CPLX2: variants seen among roughly 807,000 people sequenced by gnomAD.
CPLX2 encodes complexin-2.
Under a neutral mutation model 16.3 loss-of-function variants are expected in CPLX2, and 5 were observed. The ratio of observed to expected loss-of-function variants is 0.31; its 90% confidence interval spans 0.16 to 0.64. The LOEUF is 0.64. Ranked by LOEUF, CPLX2 falls within the 30% of genes least tolerant of loss-of-function variation. The pLI, the probability that CPLX2 is intolerant of heterozygous loss-of-function variation, is 0.79. For synonymous variants in CPLX2, 89 were observed against 73.2 expected (o/e 1.22, Z -1.10); for missense variants, 144 against 181.4 (o/e 0.79, Z 1.18).
chr5:175,806,806 G>A (rs1004358691), intron 1 of CPLX2, among the ~76,000 whole-genome samples: 2 of 152,066 alleles, frequency 1.3e-5, no homozygotes, highest in Non-Finnish European at 2.9e-5. Flanking sequence ...CCTCAGCTAT[G>A]AAGTTTTTAT....
At chr5:175,840,161 T>C (rs561608872) in intron 2 of CPLX2, among the ~76,000 whole-genome samples, 1 of 152,348 alleles carries the variant, frequency 6.6e-6, no homozygotes, top group African/African-American at 2.4e-5. Context: ...CCATTCTTTT[T>C]TAAAGGAAAG....
upstream of CPLX2, chr5:175,871,458 A>AGGGAGAGAGAGAGAGAGAGGGG (rs1554122146): frequency 1.3e-5 from 1 of 79,964 alleles, no homozygotes; most frequent in Non-Finnish European, 2.8e-5. Flanking sequence ...AGAGAGAGAG[A>AGGGAGAGAGAGAGAGAGAGGGG]GAGAGAGAGA....
intron 2 of CPLX2, among the ~76,000 whole-genome samples, chr5:175,836,358 T>TA (rs1554119751): frequency 1.3e-5 from 2 of 150,752 alleles, no homozygotes; most frequent in East Asian, 2.0e-4. Flanking sequence ...TCAAAATAAA[T>TA]AAATAAAATA....
At chr5:175,856,440 G>C (rs1271005883) in intron 2 of CPLX2, among the ~76,000 whole-genome samples, 3 of 152,196 alleles carry the variant, frequency 2.0e-5, no homozygotes, top group Admixed American at 1.3e-4. Context: ...GAATGGCCAA[G>C]CTGGAGCCCA....
chr5:175,830,999 T>G lies in CPLX2; in HGVS notation c.-89+21931T>G, dbSNP rs1157040342. ...CATGGCTGGGGGTGCGCGTGTGTGC[T>G]CATGGCAGCTGAGTGTCTCCATATC... is the stretch of plus-strand genomic sequence containing the variant. On this transcript the variant is annotated intron_variant, in intron 2 of 4. Transcript: ENST00000359546. The surrounding 1 kb of genome is among the most constrained non-coding windows in gnomAD (Gnocchi z 4.0). 6.6e-6 allele frequency among the ~76,000 whole-genome samples: 1 copy of G among 152,192 alleles called. No homozygotes were observed. The highest frequency in any genetic ancestry group is 1.9e-4 in the East Asian group (1 of 5,192).
At chr5:175,840,803 CCT>C (rs775929004) in intron 2 of CPLX2, among the ~76,000 whole-genome samples, 163 of 152,326 alleles carry the variant, frequency 1.1e-3, no homozygotes, top group Non-Finnish European at 1.8e-4. Flanking sequence ...GGAAACATCC[CCT>C]GTTTGCACAC....
chr5:175,816,270 C>T (rs187792041), intron 2 of CPLX2, among the ~76,000 whole-genome samples: 1,528 of 152,152 alleles, frequency 0.01, 22 homozygotes, highest in African/African-American at 0.035. Context: ...TGGGTTCAAG[C>T]GATTCTCCTG....
chr5:175,866,885 C>T (rs1759488510), upstream of CPLX2, among the ~76,000 whole-genome samples: 1 of 152,030 alleles, frequency 6.6e-6, no homozygotes, highest in African/African-American at 2.4e-5. Flanking sequence ...CTAGCCTGGG[C>T]AACATAGTGA....
At position 175,874,304 on chromosome 5, in the gene CPLX2, G is replaced by A. The variant is rs371434443; in HGVS notation, c.-89+2599G>A. Among the ~76,000 whole-genome samples the A allele has an allele frequency of 1.2e-4, 19 of 152,262 alleles. 1 individual carries two copies. The highest frequency in any genetic ancestry group is 4.1e-4 in the South Asian group (2 of 4,830). On this transcript the variant is annotated intron_variant, in intron 1 of 3. Coordinates refer to ENST00000393745, the MANE Select transcript of CPLX2 (RefSeq NM_001008220.2). ...GTAGGCAGCATTGCAAAGCTACAGC[G>A]TCTGGACTTCTCCCTGGAATTCTCC...
chr5:175,839,985 T>A (rs527624887), intron 2 of CPLX2, among the ~76,000 whole-genome samples: 306 of 152,374 alleles, frequency 2.0e-3, no homozygotes, highest in Non-Finnish European at 2.9e-3. Context: ...TATCACCCTG[T>A]ACATAAGAGA....
At chr5:175,863,080 G>T (rs1759402564) in intron 2 of CPLX2, among the ~76,000 whole-genome samples, 1 of 152,228 alleles carries the variant, frequency 6.6e-6, no homozygotes, top group African/African-American at 2.4e-5. Flanking sequence ...GGCTGGTGGT[G>T]AGAACAGGGC....
At chr5:175,875,714 T>C (rs941609371) in intron 1 of CPLX2, among the ~76,000 whole-genome samples, 5 of 151,744 alleles carry the variant, frequency 3.3e-5, no homozygotes, top group Admixed American at 3.3e-4. Context: ...ATTTTGGGCC[T>C]TAAGAAAAGG....
chr5:175,816,199 C>T (rs1019863863), intron 2 of CPLX2, among the ~76,000 whole-genome samples: 1 of 151,716 alleles, frequency 6.6e-6, no homozygotes, highest in Non-Finnish European at 1.5e-5. Context: ...GACAGAGTCT[C>T]ACTCTGTCGC....
chr5:175,824,370 G>A (rs1404406820), intron 2 of CPLX2, among the ~76,000 whole-genome samples: 5 of 152,184 alleles, frequency 3.3e-5, no homozygotes, highest in Admixed American at 1.3e-4. Flanking sequence ...TAGGCAGGCC[G>A]GCCTTGCTGC....
rs144289221 is a variant in CPLX2 at position 175,856,484 on chromosome 5, C to T, written c.-88-22168C>T. 2.0e-3 allele frequency among the ~76,000 whole-genome samples: 306 copies of T among 152,250 alleles called. 2 individuals are homozygous for T. The highest frequency in any genetic ancestry group is 0.017 in the East Asian group (87 of 5,162). On this transcript the variant is annotated intron_variant, in intron 2 of 4. Coordinates refer to the CPLX2 transcript ENST00000359546. The stretch of plus-strand genomic sequence containing the variant: ...CTTTCAAATGCAACATCTGAGCTCC[C>T]GCCACGCTCCGCGCAGAGCCAAGCC...
rs1561796143 is a variant in CPLX2, at chr5:175,883,319, CAGA to C, written c.*3277_*3279del. On this transcript the variant is annotated 3_prime_UTR_variant, in exon 4 of 4. Transcript: ENST00000393745. ...CCTCCCCTCCAAATCCAGAAGCTCC[CAGA>C]AGGTGTCCTTAACTGCAAAGCTGTG... 3 of 152,336 alleles carry C rather than the reference CAGA, an allele frequency of 2.0e-5. No individual in the cohort carries two copies. Among genetic ancestry groups the C allele is most frequent in the Non-Finnish European group, 4.4e-5 (3 of 68,174 alleles). The allele number at this position is 152,336 out of a possible 1,614,324, so 9.4% of individuals were successfully genotyped here.
intron 2 of CPLX2, among the ~76,000 whole-genome samples, chr5:175,840,693 G>A (rs2113668187): frequency 6.6e-6 from 1 of 152,338 alleles, no homozygotes; most frequent in African/African-American, 2.4e-5. Flanking sequence ...GAAGTTCTTT[G>A]CAGGATTGAC....
At chr5:175,878,548 TG>T (rs1755469214) in intron 1 of CPLX2, 103 bp from the exon 2 acceptor site, 1 of 634,172 alleles carries the variant, frequency 1.6e-6, no homozygotes, top group South Asian at 1.9e-5. Flanking sequence ...CTCAGAGCGA[TG>T]GGTGCCTGGT....
chr5:175,869,037 A>T (rs529233272), upstream of CPLX2, among the ~76,000 whole-genome samples: 74 of 152,356 alleles, frequency 4.9e-4, no homozygotes, highest in African/African-American at 1.8e-3. Context: ...TATTAGTAGT[A>T]GTATTTTAAT....
Sources: gnomAD v4.1 joint callset for allele counts (sites outside exome capture counted in the v4.1 genomes callset) on GRCh38, gnomAD v4.1.1 for gene constraint, Gnocchi (gnomAD v3.1) non-coding constraint, MANE v1.5 for transcripts, NCBI Gene and HGNC (gene_info 2026-07-23, HGNC 2026-07-21) for gene names.